Variants in AK4 observed in about 807,000 individuals in gnomAD.
AK4 encodes adenylate kinase 4, also known as adenylate kinase 4, mitochondrial.
AK4 carries 13 observed loss-of-function variants against 24.6 expected under a neutral mutation model. That is an observed-to-expected ratio of 0.53 (90% CI 0.34 to 0.84). The LOEUF (loss-of-function observed/expected upper bound fraction) is 0.84, where lower values mean the gene tolerates loss of function less well. AK4 is among the 40% of genes least tolerant of loss of function. AK4 has a pLI of 0.01. For missense variants in AK4, 192 were observed against 288.2 expected (o/e 0.67, Z 2.42); for synonymous variants, 88 against 107.0 (o/e 0.82, Z 1.10).
intron 1 of AK4, among the ~76,000 whole-genome samples, chr1:65,158,260 A>G (rs893466420): frequency 6.6e-6 from 1 of 152,178 alleles, no homozygotes; most frequent in Non-Finnish European, 1.5e-5. Flanking sequence ...TTGGGCTTCA[A>G]GCTGTTAACT....
At chr1:65,177,639 A>T (rs1650761635) in intron 1 of AK4, among the ~76,000 whole-genome samples, 1 of 152,198 alleles carries the variant, frequency 6.6e-6, no homozygotes, top group Admixed American at 6.5e-5. Context: ...TTCAGAGTTG[A>T]CTCATGCATT....
At chr1:65,206,927 A>G (rs1485121638) in intron 2 of AK4, among the ~76,000 whole-genome samples, 1 of 152,260 alleles carries the variant, frequency 6.6e-6, no homozygotes, top group Non-Finnish European at 1.5e-5. Flanking sequence ...TTACTTAAGA[A>G]CAAGGGTTAT....
chr1:65,148,193 C>T (rs1289160615), upstream of AK4: 9 of 1,004,238 alleles, frequency 9.0e-6, no homozygotes, highest in African/African-American at 1.0e-4. Context: ...GGAGGTGTAG[C>T]GTGGCGCTCA....
chr1:65,170,266 G>GC (rs1438748070), intron 1 of AK4, among the ~76,000 whole-genome samples: 1 of 152,192 alleles, frequency 6.6e-6, no homozygotes, highest in Non-Finnish European at 1.5e-5. Flanking sequence ...TACTCGGGAG[G>GC]CTGAGGCAGG....
At chr1:65,156,305 A>G (rs1243856254) in intron 1 of AK4, among the ~76,000 whole-genome samples, 4 of 152,074 alleles carry the variant, frequency 2.6e-5, no homozygotes, top group Admixed American at 2.6e-4. Flanking sequence ...TGTGTATCCA[A>G]AGATTTTGTC....
chr1:65,190,453 G>C (rs1018948018), intron 1 of AK4, among the ~76,000 whole-genome samples: 3 of 148,698 alleles, frequency 2.0e-5, no homozygotes, highest in Non-Finnish European at 3.0e-5. Context: ...TTTTTTTGGG[G>C]GGGGGGCGGG....
intron 2 of AK4, among the ~76,000 whole-genome samples, chr1:65,210,823 A>G (rs1178683616): frequency 6.6e-6 from 1 of 152,152 alleles, no homozygotes; most frequent in Non-Finnish European, 1.5e-5. Flanking sequence ...TCTGGAATTT[A>G]CATATAGTAA....
At chr1:65,154,272 A>G (rs1481799371) in intron 1 of AK4, among the ~76,000 whole-genome samples, 1 of 152,162 alleles carries the variant, frequency 6.6e-6, no homozygotes, top group African/African-American at 2.4e-5. Context: ...TGATGGAGAG[A>G]AAGAAGTCTA....
intron 1 of AK4, among the ~76,000 whole-genome samples, chr1:65,173,958 T>A (rs1650626957): frequency 6.6e-6 from 1 of 152,110 alleles, no homozygotes; most frequent in African/African-American, 2.4e-5. Context: ...ACATGGCATG[T>A]TAGACACCGG....
intron 2 of AK4, among the ~76,000 whole-genome samples, chr1:65,215,823 T>A (rs1274630821): frequency 1.3e-5 from 2 of 152,196 alleles, no homozygotes; most frequent in Non-Finnish European, 2.9e-5. Flanking sequence ...CAATAAGATT[T>A]GAGCTTTTAT....
intron 1 of AK4, among the ~76,000 whole-genome samples, chr1:65,187,643 G>A (rs991536958): frequency 1.3e-5 from 2 of 152,200 alleles, no homozygotes; most frequent in Non-Finnish European, 2.9e-5. Flanking sequence ...CTATCTGAAG[G>A]TGAGGATCTT....
At chr1:65,187,463 AG>A (rs1651141969) in intron 1 of AK4, among the ~76,000 whole-genome samples, 1 of 152,038 alleles carries the variant, frequency 6.6e-6, no homozygotes, top group Non-Finnish European at 1.5e-5. Context: ...CTAATGGGTC[AG>A]GGTTTCTTTC....
At chr1:65,208,798 AG>A (rs1651888143) in intron 2 of AK4, among the ~76,000 whole-genome samples, 1 of 152,214 alleles carries the variant, frequency 6.6e-6, no homozygotes, top group African/African-American at 2.4e-5. Flanking sequence ...TTAGAAAAAC[AG>A]AAGTGTCCTA....
chr1:65,220,419 C>G (rs1463366473), intron 3 of AK4, among the ~76,000 whole-genome samples: 1 of 152,170 alleles, frequency 6.6e-6, no homozygotes, highest in Non-Finnish European at 1.5e-5. Flanking sequence ...TTCAGCCGTT[C>G]TGCTAGGTGA....
At chr1:65,150,815 G>A (rs1211540017) in intron 1 of AK4, among the ~76,000 whole-genome samples, 1 of 152,096 alleles carries the variant, frequency 6.6e-6, no homozygotes, top group African/African-American at 2.4e-5. Context: ...CCTGGATTTG[G>A]GCACACTCTT....
chr1:65,196,849 A>T (rs1446220634), intron 2 of AK4, among the ~76,000 whole-genome samples: 1 of 152,186 alleles, frequency 6.6e-6, no homozygotes, highest in African/African-American at 2.4e-5. Flanking sequence ...TGGGTAATTT[A>T]TACAAGAAAA....
intron 2 of AK4, among the ~76,000 whole-genome samples, chr1:65,198,312 T>C (rs1478488703): frequency 1.3e-5 from 2 of 152,190 alleles, no homozygotes; most frequent in Admixed American, 1.3e-4. Context: ...GATTGCACAA[T>C]TAAAATGTTT....
intron 2 of AK4, among the ~76,000 whole-genome samples, chr1:65,215,174 TTC>T (rs10580977): frequency 0.16 from 21,563 of 131,212 alleles, 1,647 homozygotes; most frequent in East Asian, 0.48. Flanking sequence ...CTTTCTTTCT[TTC>T]TTTTTTTTTT....
Position 65,148,524 on chromosome 1 carries a change from C to T in AK4, c.117C>T (p.Phe39=). 7 of 1,600,218 alleles carry T rather than the reference C, an allele frequency of 4.4e-6. No homozygotes were observed. The highest frequency in any genetic ancestry group is 6.0e-6 in the Non-Finnish European group (7 of 1,173,516). Residue 39 remains phenylalanine (F), a synonymous_variant, in exon 1 of 5, where the codon TTC becomes TTT. Transcript: ENST00000327299. The stretch of plus-strand genomic sequence containing the variant: ...TCCAGCATCTCTCCAGCGGCCACTT[C>T]TTGCGGGAGAACATCAAGGCCAGCA... ...FGLQHLSSGH[F]LRENIKASTE...
Sources: gnomAD v4.1 joint callset for allele counts (sites outside exome capture counted in the v4.1 genomes callset) on GRCh38, gnomAD v4.1.1 for gene constraint, MANE v1.5 for transcripts, NCBI Gene and HGNC (gene_info 2026-07-23, HGNC 2026-07-21) for gene names.